Variants in GALNT3 observed in about 807,000 individuals in gnomAD.
GALNT3 encodes polypeptide N-acetylgalactosaminyltransferase 3, also known as GalNAc transferase 3.
Under a neutral mutation model 69.8 loss-of-function variants are expected in GALNT3, and 51 were observed. The observed-to-expected ratio is 0.73, with a 90% confidence interval of 0.58 to 0.92. The LOEUF is 0.92. Among genes scored for constraint, GALNT3 ranks in the 40% least tolerant of loss-of-function variants. The pLI is 0.00. For missense variants in GALNT3, 711 were observed against 760.0 expected (o/e 0.94, Z 0.76); for synonymous variants, 265 against 248.5 (o/e 1.07, Z -0.63).
chr2:165,765,558 C>T (rs1306702839), intron 2 of GALNT3, among the ~76,000 whole-genome samples: 3 of 151,504 alleles, frequency 2.0e-5, no homozygotes, highest in Admixed American at 6.6e-5. Context: ...GGCACGATCT[C>T]GGCTCACTGC....
Position 165,759,386 on chromosome 2 carries a change from C to A in GALNT3, c.1023G>T (p.Ser341=). The A allele has an allele frequency of 1.2e-6, 2 of 1,613,966 alleles. No individual in the cohort carries two copies. The highest frequency in any genetic ancestry group is 2.2e-5 in the East Asian group (1 of 44,860). ...TTCTTTGCTTCTCATGATCAGGAAG[C>A]GACTCCCAGCCAAATGAAAGACTCC... ...FDWSLSFGWE[S]LPDHEKQRRK... is the part of the protein sequence containing the mutation. Residue 341 remains serine, a synonymous_variant, in exon 5 of 11, where the codon TCG becomes TCT. Transcript: ENST00000392701.
chr2:165,751,441 T>C (rs1688356148), intron 9 of GALNT3, among the ~76,000 whole-genome samples: 1 of 152,168 alleles, frequency 6.6e-6, no homozygotes. Flanking sequence ...GTTTAGATGA[T>C]GAAAATAGCA....
intron 4 of GALNT3, 29 bp from the exon 5 acceptor site, chr2:165,759,599 A>C: frequency 1.3e-6 from 2 of 1,542,802 alleles, no homozygotes; most frequent in South Asian, 1.1e-5. Context: ...TAATTAATTC[A>C]ATAAAAACAT....
chr2:165,758,805 C>A lies in GALNT3; in HGVS notation c.1133G>T (p.Gly378Val). ...SISKEYFEYIGSYDEEMEIWG... is the reference protein window; with the variant it reads ...SISKEYFEYIVSYDEEMEIWG... ...GATTTCCATTTCTTCATCATAGCTT[C>A]CAATATACTCAAAATATTCTTTTGA... Residue 378 changes from glycine to valine, a missense_variant, in exon 6 of 11, where the codon GGA becomes GTA. By Grantham distance (109) the Gly-to-Val change is moderately radical (BLOSUM62 -3). Transcript: ENST00000392701. 1 of 1,611,698 alleles carries A rather than the reference C, an allele frequency of 6.2e-7. No individual in the cohort carries two copies. Among genetic ancestry groups the A allele is most frequent in the Non-Finnish European group, 8.5e-7 (1 of 1,178,024 alleles).
At chr2:165,794,690 G>A (rs1683428676), upstream of GALNT3, 1 of 152,326 alleles carries the variant, frequency 6.6e-6, no homozygotes, top group Admixed American at 6.5e-5. Context: ...AGCAGCTTCT[G>A]TCACCAGTTA....
chr2:165,747,622 C>G lies in GALNT3; in HGVS notation c.*1159G>C, dbSNP rs575843062. The G allele has an allele frequency of 6.6e-6, 1 of 152,274 alleles. No homozygotes were observed. The highest frequency in any genetic ancestry group is 2.4e-5 in the African/African-American group (1 of 41,470). 9.4% of individuals were successfully genotyped at this position (152,274 alleles called of 1,614,324 possible). A position where few individuals can be genotyped will look rare whatever the true frequency, so the allele number is the denominator to read the frequency against. ...TAAGGAACTTTATCAGAAATTAATA[C>G]AAAATTTTCTAAATATTGAACACAG... is the stretch of plus-strand genomic sequence containing the variant. On this transcript the variant is annotated 3_prime_UTR_variant, in exon 11 of 11. Transcript: ENST00000392701.
chr2:165,766,886 T>C (rs1254537745), intron 2 of GALNT3, among the ~76,000 whole-genome samples: 1 of 151,980 alleles, frequency 6.6e-6, no homozygotes, highest in Non-Finnish European at 1.5e-5. Flanking sequence ...AAAAAGGAGT[T>C]GGATTGGGGT....
intron 7 of GALNT3, 55 bp from the exon 8 acceptor site, chr2:165,755,118 C>T (rs2105403379): frequency 1.4e-6 from 2 of 1,443,742 alleles, no homozygotes; most frequent in Non-Finnish European, 1.9e-6. Context: ...ATTGATAAAG[C>T]ACTTAAAATA....
intron 10 of GALNT3, 56 bp downstream of exon 10, chr2:165,749,686 A>G: frequency 7.0e-7 from 1 of 1,437,272 alleles, no homozygotes; most frequent in Middle Eastern, 1.7e-4. Flanking sequence ...TTTCCCAGAT[A>G]AGCAAGTAGA....
At chr2:165,763,058 C>T (rs1192651170) in intron 3 of GALNT3, among the ~76,000 whole-genome samples, 2 of 151,942 alleles carry the variant, frequency 1.3e-5, no homozygotes, top group Non-Finnish European at 2.9e-5. Flanking sequence ...GCCTCAGCCT[C>T]CCAAAATGCT....
In GALNT3 at chr2:165,764,999, T is replaced by A; in HGVS notation, c.573A>T (p.Ile191=). ...CPPLPTTSVI[I]VFHNEAWSTL... is the part of the protein sequence containing the mutation. Reference sequence around the variant, plus strand: ...TGGACCACGCTTCATTATGAAAAACTATTATGACACTGGTGGTGGGCAGGG... The same window carrying A: ...TGGACCACGCTTCATTATGAAAAACAATTATGACACTGGTGGTGGGCAGGG... Residue 191 remains isoleucine (I), a synonymous_variant, in exon 3 of 11, where the codon ATA becomes ATT. Coordinates refer to ENST00000392701, the MANE Select transcript of GALNT3 (RefSeq NM_004482.4). 6.2e-7 allele frequency: 1 copy of A among 1,614,212 alleles called. No individual in the cohort carries two copies. Among genetic ancestry groups the A allele is most frequent in the Non-Finnish European group, 8.5e-7 (1 of 1,180,016 alleles).
intron 10 of GALNT3, among the ~76,000 whole-genome samples, chr2:165,749,511 A>G (rs1688318176): frequency 6.6e-6 from 1 of 152,202 alleles, no homozygotes; most frequent in African/African-American, 2.4e-5. Context: ...AGAAGTGCTC[A>G]TCTGCATATA....
chr2:165,764,691 T>C (rs1243427942), intron 3 of GALNT3, among the ~76,000 whole-genome samples, 193 bp downstream of exon 3: 1 of 152,202 alleles, frequency 6.6e-6, no homozygotes, highest in Non-Finnish European at 1.5e-5. Flanking sequence ...ATAATGGTGT[T>C]TCATACATTT....
In GALNT3 at chr2:165,770,586, T is replaced by C; in HGVS notation, c.115A>G (p.Arg39Gly). ...TTGGAATATTGAACACTTACTTCTC[T>C]TTGCATTAAAACCAAAACTATTATA... ...FFIIVLVLMQ[R>G]EVSVQYSKEE... The change falls in exon 2 of 11, where the codon AGA (arginine) becomes GGA (glycine). Residue 39 changes from arginine (R) to glycine (G), a missense_variant. By Grantham distance (125) the Arg-to-Gly change is moderately radical (BLOSUM62 -2). Coordinates refer to ENST00000392701, the MANE Select transcript of GALNT3 (RefSeq NM_004482.4). 1 of 1,610,018 alleles carries C rather than the reference T, an allele frequency of 6.2e-7. No individual in the cohort carries two copies. The highest frequency in any genetic ancestry group is 1.1e-5 in the South Asian group (1 of 90,094).
rs576951512 is a variant in GALNT3, at chr2:165,760,565, G to A, written c.839-995C>T. Among the ~76,000 whole-genome samples the A allele has an allele frequency of 1.9e-3, 282 of 152,298 alleles. 1 individual carries two copies. Among genetic ancestry groups the A allele is most frequent in the Non-Finnish European group, 2.7e-3 (182 of 68,020 alleles). On this transcript the variant is annotated intron_variant, in intron 4 of 10. Transcript: ENST00000392701. ...ATCTTATTGTAATTTTGAACAACGA[G>A]AAGAAATACCAGAGGATGGTATTTT...
intron 9 of GALNT3, 100 bp from the exon 10 acceptor site, chr2:165,749,994 C>A: frequency 1.9e-6 from 2 of 1,057,620 alleles, no homozygotes; most frequent in Non-Finnish European, 2.9e-6. Context: ...AAAGTCATTT[C>A]TATTTCAACA....
At position 165,754,812 on chromosome 2, in the gene GALNT3, A is replaced by G. The variant is rs1255687681; in HGVS notation, c.1525-84T>C. 2.2e-6 allele frequency: 3 copies of G among 1,360,552 alleles called. No individual in the cohort carries two copies. In the African/African-American group the frequency reaches 4.4e-5, roughly 20 times the overall value. The allele number at this position is 1,360,552 out of a possible 1,614,324, so 84.3% of individuals were successfully genotyped here. A position where few individuals can be genotyped will look rare whatever the true frequency, so the allele number is the denominator to read the frequency against. ...TAAAATAATTTAGAAAGTAATGTTA[A>G]TGATTATAATGTAAAATCTCAAAAG... On this transcript the variant is annotated intron_variant, in intron 8 of 10. Transcript: ENST00000392701.
intron 9 of GALNT3, among the ~76,000 whole-genome samples, 187 bp from the exon 10 acceptor site, chr2:165,750,081 C>T (rs1261075663): frequency 6.6e-6 from 1 of 152,144 alleles, no homozygotes; most frequent in Non-Finnish European, 1.5e-5. Flanking sequence ...CTTCCTTCAT[C>T]AACAGGTGGT....
At chr2:165,762,374 T>G (rs1040492709) in intron 3 of GALNT3, among the ~76,000 whole-genome samples, 1 of 152,186 alleles carries the variant, frequency 6.6e-6, no homozygotes, top group Admixed American at 6.6e-5. Context: ...AAGACTCATT[T>G]AGAGGTCTGA....
Sources: gnomAD v4.1 joint callset for allele counts (sites outside exome capture counted in the v4.1 genomes callset) on GRCh38, gnomAD v4.1.1 for gene constraint, MANE v1.5 for transcripts, NCBI Gene and HGNC (gene_info 2026-07-23, HGNC 2026-07-21) for gene names.